The following COL25A1 variants were observed in gnomAD, a reference collection of about 807,000 sequenced individuals.
COL25A1 encodes collagen type XXV alpha 1 chain.
A neutral mutation model predicts 128.4 loss-of-function variants in COL25A1; 103 were observed. The ratio of observed to expected loss-of-function variants is 0.80; its 90% CI spans 0.68 to 0.94. The LOEUF (loss-of-function observed/expected upper bound fraction) is 0.94. Among genes scored for constraint, COL25A1 ranks in the 40% least tolerant of loss-of-function variants. The probability of loss-of-function intolerance (pLI) is 0.00; values close to 1 mark genes in which losing one functional copy is unlikely to be tolerated. For synonymous variants in COL25A1, 279 were observed against 277.2 expected (o/e 1.01, Z -0.06); for missense variants, 745 against 840.0 (o/e 0.89, Z 1.40).
At chr4:108,960,401 A>G (rs1750550572) in intron 8 of COL25A1, among the ~76,000 whole-genome samples, 1 of 152,130 alleles carries the variant, frequency 6.6e-6, no homozygotes, top group Non-Finnish European at 1.5e-5. Context: ...TCATGCCTAT[A>G]AGCCATGTTA....
At chr4:108,818,802 C>T (rs547872726) in intron 36 of COL25A1, among the ~76,000 whole-genome samples, 1 of 151,226 alleles carries the variant, frequency 6.6e-6, no homozygotes, top group Non-Finnish European at 1.5e-5. Flanking sequence ...AGCTGAATTC[C>T]GTAGGTTGGG....
chr4:109,001,371 A>G (rs988859287), intron 6 of COL25A1, among the ~76,000 whole-genome samples: 16 of 9,470 alleles, frequency 1.7e-3, no homozygotes, highest in African/African-American at 2.3e-3. Context: ...GTTAAAAGAA[A>G]CAGGCATCTG....
chr4:108,898,275 G>T (rs932173580), intron 15 of COL25A1, among the ~76,000 whole-genome samples: 2 of 151,560 alleles, frequency 1.3e-5, no homozygotes, highest in African/African-American at 2.4e-5. Context: ...TAAATAAATG[G>T]TTTTTTTTCT....
intron 3 of COL25A1, among the ~76,000 whole-genome samples, chr4:109,254,245 T>G (rs1331297191): frequency 1.3e-4 from 19 of 151,434 alleles, no homozygotes. Context: ...AATGTGCCTT[T>G]TGCCTCAGTA....
At chr4:108,846,952 C>G (rs1197534991) in intron 27 of COL25A1, among the ~76,000 whole-genome samples, 1 of 142,780 alleles carries the variant, frequency 7.0e-6, no homozygotes, top group Non-Finnish European at 1.5e-5. Context: ...GTCACCCAGG[C>G]TGGACCGCAA....
intron 3 of COL25A1, among the ~76,000 whole-genome samples, chr4:109,179,171 C>A (rs866232903): frequency 6.6e-5 from 10 of 152,188 alleles, no homozygotes; most frequent in Admixed American, 6.5e-4. Context: ...TTCAAGGTGA[C>A]GGTCACCACC....
intron 3 of COL25A1, among the ~76,000 whole-genome samples, chr4:109,239,418 A>ATG (rs1560914871): frequency 1.5e-5 from 2 of 132,750 alleles, no homozygotes; most frequent in African/African-American, 2.8e-5. Flanking sequence ...ATATATATAT[A>ATG]TATATTTATT....
At chr4:109,197,618 T>C (rs1043762550) in intron 3 of COL25A1, among the ~76,000 whole-genome samples, 4 of 148,752 alleles carry the variant, frequency 2.7e-5, no homozygotes, top group African/African-American at 5.0e-5. Context: ...GGGAATCATA[T>C]AAATTTAAAA....
intron 3 of COL25A1, among the ~76,000 whole-genome samples, chr4:109,101,343 T>G (rs1765872945): frequency 1.3e-5 from 2 of 151,994 alleles, no homozygotes; most frequent in African/African-American, 4.8e-5. Flanking sequence ...GTGAGGACAG[T>G]GGAGAAAAGC....
intron 5 of COL25A1, among the ~76,000 whole-genome samples, chr4:109,012,739 CT>C (rs1331548304): frequency 3.9e-5 from 6 of 152,228 alleles, no homozygotes; most frequent in African/African-American, 1.4e-4. Flanking sequence ...GACCTGCAGC[CT>C]GCCATGCCTG....
At chr4:108,932,914 T>C (rs372702430) in intron 11 of COL25A1, among the ~76,000 whole-genome samples, 3 of 152,192 alleles carry the variant, frequency 2.0e-5, no homozygotes, top group East Asian at 3.9e-4. Flanking sequence ...TTTTATAAGA[T>C]ACAGCAGCTC....
At chr4:108,998,354 T>G (rs1254359529) in intron 6 of COL25A1, among the ~76,000 whole-genome samples, 1 of 152,000 alleles carries the variant, frequency 6.6e-6, no homozygotes, top group Non-Finnish European at 1.5e-5. Flanking sequence ...ATGAGTGAAC[T>G]CCCATTCACA....
At position 108,901,147 on chromosome 4, in the gene COL25A1, A is replaced by C; in HGVS notation, c.806T>G (p.Val269Gly). The change falls in exon 14 of 38, where the codon GTA (valine) becomes GGA (glycine). Residue 269 changes from valine (V) to glycine (G), a missense_variant. Val to Gly is a moderately radical substitution (Grantham distance 109). This residue lies in a region of COL25A1 where 39 missense variants were observed against 73.3 expected (regional missense o/e 0.53). Coordinates refer to ENST00000399132, the MANE Select transcript of COL25A1 (RefSeq NM_198721.4). ...AGGTCCTGGTATTCCATTCTGTCCTACTGCTCCAGGCAACCCGGGCTCACC... is the reference window on the plus strand; with the variant it reads ...AGGTCCTGGTATTCCATTCTGTCCTCCTGCTCCAGGCAACCCGGGCTCACC... ...QKGEPGLPGA[V>G]GQNGIPGPKG... 1 of 1,612,554 alleles carries C rather than the reference A, an allele frequency of 6.2e-7. No homozygotes were observed. The highest frequency in any genetic ancestry group is 1.3e-5 in the African/African-American group (1 of 74,934).
In COL25A1 at chr4:109,191,297, A is replaced by G. The variant is rs116451894; in HGVS notation, c.367+109286T>C. On this transcript the variant is annotated intron_variant, in intron 3 of 37. Transcript: ENST00000399132. ...TTCTTGTGGGAAATCAAGAAGGACA[A>G]TGCACAAGAGAGGAGGGAATTTGTG... is the stretch of plus-strand genomic sequence containing the variant. Among the ~76,000 whole-genome samples, 1,075 of 152,306 alleles carry G rather than the reference A, an allele frequency of 7.1e-3. 14 individuals are homozygous for G. Among genetic ancestry groups the G allele is most frequent in the African/African-American group, 0.024 (988 of 41,566 alleles).
intron 3 of COL25A1, among the ~76,000 whole-genome samples, chr4:109,249,787 A>G (rs1302506317): frequency 6.6e-6 from 1 of 152,208 alleles, no homozygotes; most frequent in Non-Finnish European, 1.5e-5. Context: ...TCCTCTATCA[A>G]CAAAAGGTTG....
intron 11 of COL25A1, among the ~76,000 whole-genome samples, chr4:108,936,647 C>T (rs1747448547): frequency 6.6e-6 from 1 of 151,704 alleles, no homozygotes; most frequent in Non-Finnish European, 1.5e-5. Flanking sequence ...AGATCTGGAC[C>T]CAGAATGCTT....
At chr4:109,083,448 A>ATTTT (rs60165291) in intron 3 of COL25A1, among the ~76,000 whole-genome samples, 1,982 of 77,104 alleles carry the variant, frequency 0.026, 156 homozygotes, top group Middle Eastern at 0.037. Flanking sequence ...CACTAAATAA[A>ATTTT]TTTTTTTTTT....
At chr4:108,843,358 A>G (rs1410904203) in intron 30 of COL25A1, among the ~76,000 whole-genome samples, 1 of 152,064 alleles carries the variant, frequency 6.6e-6, no homozygotes, top group South Asian at 2.1e-4. Flanking sequence ...ACCATAATTT[A>G]CTTATTCTGT....
At chr4:109,204,087 G>T (rs1776789059) in intron 3 of COL25A1, among the ~76,000 whole-genome samples, 3 of 151,920 alleles carry the variant, frequency 2.0e-5, no homozygotes, top group Admixed American at 2.0e-4. Context: ...GAAATAGGAA[G>T]GTAAATAACA....
Sources: gnomAD v4.1 joint callset for allele counts (sites outside exome capture counted in the v4.1 genomes callset) on GRCh38, gnomAD v4.1.1 for gene constraint, gnomAD v4.1.1 regional missense constraint, MANE v1.5 for transcripts, NCBI Gene and HGNC (gene_info 2026-07-23, HGNC 2026-07-21) for gene names.